ZNF521: variants seen among roughly 807,000 people sequenced by gnomAD.
The protein encoded by ZNF521 is LYST-interacting protein 3.
Under a neutral mutation model 105.5 loss-of-function variants are expected in ZNF521, and 14 were observed. The observed-to-expected ratio is 0.13, with a 90% CI of 0.09 to 0.21. The LOEUF (loss-of-function observed/expected upper bound fraction) is 0.21, where lower values mean the gene tolerates loss of function less well. Ranked by LOEUF, ZNF521 falls within the 10% of genes least tolerant of loss-of-function variation. The probability of loss-of-function intolerance (pLI) is 1.00; values close to 1 mark genes in which losing one functional copy is unlikely to be tolerated. For missense variants in ZNF521, 1,233 were observed against 1,629.7 expected, an observed-to-expected ratio of 0.76 and a Z score of 4.19; for synonymous variants, 635 against 606.0, an observed-to-expected ratio of 1.05 and a Z score of -0.70.
intron 7 of ZNF521, among the ~76,000 whole-genome samples, chr18:25,071,454 A>T (rs1457112371): frequency 6.6e-6 from 1 of 152,208 alleles, no homozygotes; most frequent in Non-Finnish European, 1.5e-5. Flanking sequence ...ATAATGTTTA[A>T]AGGTACCCAA....
At chr18:25,313,447 G>C (rs1441506429) in intron 3 of ZNF521, among the ~76,000 whole-genome samples, 1 of 152,002 alleles carries the variant, frequency 6.6e-6, no homozygotes, top group Admixed American at 6.6e-5. Flanking sequence ...CCATATGAAA[G>C]GGAAAGGGGA....
At chr18:25,298,253 G>T (rs1408908880) in intron 3 of ZNF521, among the ~76,000 whole-genome samples, 1 of 152,134 alleles carries the variant, frequency 6.6e-6, no homozygotes, top group Admixed American at 6.6e-5. Flanking sequence ...AATTTAATCT[G>T]CCAGTTCTTC....
chr18:25,116,270 A>G (rs1228140210), intron 5 of ZNF521, among the ~76,000 whole-genome samples: 1 of 152,146 alleles, frequency 6.6e-6, no homozygotes, highest in Non-Finnish European at 1.5e-5. Flanking sequence ...TGAGAAAAAG[A>G]CAAGGAGTTG....
intron 3 of ZNF521, among the ~76,000 whole-genome samples, chr18:25,283,941 T>A (rs1213914751): frequency 8.5e-6 from 1 of 117,652 alleles, no homozygotes; most frequent in African/African-American, 3.0e-5. Flanking sequence ...CCCAAAAAAA[T>A]TCATGAGCAG....
At chr18:25,332,787 C>T (rs571641519) in intron 2 of ZNF521, among the ~76,000 whole-genome samples, 101 of 152,226 alleles carry the variant, frequency 6.6e-4, no homozygotes, top group South Asian at 2.5e-3. Flanking sequence ...TACAGAATGA[C>T]CACCTCACCA....
At chr18:25,277,498 C>G (rs2144972433) in intron 3 of ZNF521, among the ~76,000 whole-genome samples, 1 of 152,248 alleles carries the variant, frequency 6.6e-6, no homozygotes, top group East Asian at 1.9e-4. Context: ...CAAAGAGAAA[C>G]TCGGACCCTC....
At chr18:25,157,520 G>A (rs1379302986) in intron 5 of ZNF521, among the ~76,000 whole-genome samples, 2 of 152,200 alleles carry the variant, frequency 1.3e-5, no homozygotes, top group African/African-American at 2.4e-5. Flanking sequence ...AGAGCAACAC[G>A]TTGGTAACAA....
At chr18:25,235,394 G>A (rs964032553) in intron 3 of ZNF521, among the ~76,000 whole-genome samples, 1 of 152,124 alleles carries the variant, frequency 6.6e-6, no homozygotes, top group African/African-American at 2.4e-5. Flanking sequence ...GAAGGTAAAG[G>A]GGATTCTTCC....
intron 5 of ZNF521, among the ~76,000 whole-genome samples, chr18:25,149,892 G>A (rs374819554): frequency 6.6e-6 from 1 of 152,126 alleles, no homozygotes; most frequent in Non-Finnish European, 1.5e-5. Context: ...GATATGCTCT[G>A]AGCAGAAAAA....
intron 4 of ZNF521, among the ~76,000 whole-genome samples, chr18:25,211,813 T>C (rs1409699547): frequency 2.0e-5 from 3 of 152,232 alleles, no homozygotes; most frequent in Non-Finnish European, 4.4e-5. Context: ...GTGATAAAAA[T>C]ATTCTTTTAT....
intron 5 of ZNF521, among the ~76,000 whole-genome samples, chr18:25,100,630 AC>A (rs1341691574): frequency 2.6e-5 from 4 of 152,056 alleles, no homozygotes; most frequent in Non-Finnish European, 5.9e-5. Flanking sequence ...CAAATGAGTC[AC>A]ATTTTTATTG....
At chr18:25,128,719 T>A (rs1333525749) in intron 5 of ZNF521, among the ~76,000 whole-genome samples, 1 of 151,968 alleles carries the variant, frequency 6.6e-6, no homozygotes, top group African/African-American at 2.4e-5. Context: ...TCAAAAAATT[T>A]AAATACCTAC....
Position 25,200,844 on chromosome 18 carries a change from G to A in ZNF521, c.3574-5600C>T, listed in dbSNP as rs556366279. The A allele has an allele frequency of 2.0e-5, 3 of 151,784 alleles. No individual in the cohort carries two copies. The East Asian group carries it at 5.8e-4, about 29-fold the overall frequency. The allele number at this position is 151,784 out of a possible 1,614,324, so 9.4% of individuals were successfully genotyped here. A position where few individuals can be genotyped will look rare whatever the true frequency, so the allele number is the denominator to read the frequency against. Reference sequence around the variant, plus strand: ...AAGTGCTTTTGTTTTACTTCTGCTTGGATTTGCTTCATAATTTGTCACTCT... The same window carrying A: ...AAGTGCTTTTGTTTTACTTCTGCTTAGATTTGCTTCATAATTTGTCACTCT... On this transcript the variant is annotated intron_variant, in intron 4 of 7. Coordinates refer to ENST00000361524, the MANE Select transcript of ZNF521 (RefSeq NM_015461.3).
intron 3 of ZNF521, among the ~76,000 whole-genome samples, chr18:25,285,631 G>A (rs1472392083): frequency 6.6e-6 from 1 of 151,716 alleles, no homozygotes; most frequent in Non-Finnish European, 1.5e-5. Context: ...CCCCTCACAC[G>A]TACCTCTATC....
At chr18:25,158,230 ATAT>A (rs1160509730) in intron 5 of ZNF521, among the ~76,000 whole-genome samples, 1 of 152,114 alleles carries the variant, frequency 6.6e-6, no homozygotes, top group Non-Finnish European at 1.5e-5. Context: ...ACCATTTAAA[ATAT>A]TATATTGTAT....
intron 5 of ZNF521, among the ~76,000 whole-genome samples, chr18:25,145,284 T>G (rs1304942800): frequency 6.6e-6 from 1 of 152,134 alleles, no homozygotes; most frequent in African/African-American, 2.4e-5. Flanking sequence ...TTTATTGACA[T>G]CCCTGAATTT....
intron 3 of ZNF521, among the ~76,000 whole-genome samples, chr18:25,237,210 T>C (rs543473418): frequency 1.3e-5 from 2 of 152,208 alleles, no homozygotes; most frequent in African/African-American, 2.4e-5. Flanking sequence ...TTATCCACAG[T>C]TGACTAAATG....
At chr18:25,250,719 C>T (rs1568035363) in intron 3 of ZNF521, among the ~76,000 whole-genome samples, 1 of 152,188 alleles carries the variant, frequency 6.6e-6, no homozygotes, top group Non-Finnish European at 1.5e-5. Context: ...GAATTATACA[C>T]ATTTTACAGG....
chr18:25,062,443 C>A lies in ZNF521; in HGVS notation c.*269G>T. 2.6e-6 allele frequency: 1 copy of A among 381,068 alleles called. No individual in the cohort carries two copies. Among genetic ancestry groups the A allele is most frequent in the Non-Finnish European group, 4.5e-6 (1 of 220,162 alleles). 23.6% of individuals were successfully genotyped at this position (381,068 alleles called of 1,614,324 possible). On this transcript the variant is annotated 3_prime_UTR_variant, in exon 8 of 8. Coordinates refer to ENST00000361524, the MANE Select transcript of ZNF521 (RefSeq NM_015461.3). ...TAGTCTTTTTTTTTTTTTAATCTTG[C>A]CTGAATAGGGCCCAAGTCCACTTGT... is the stretch of plus-strand genomic sequence containing the variant.
Sources: gnomAD v4.1 joint callset for allele counts (sites outside exome capture counted in the v4.1 genomes callset) on GRCh38, gnomAD v4.1.1 for gene constraint, MANE v1.5 for transcripts, NCBI Gene and HGNC (gene_info 2026-07-23, HGNC 2026-07-21) for gene names.